Variants in DDC observed in about 807,000 individuals in gnomAD.
DDC encodes the protein dopa decarboxylase, also known as aromatic-L-amino-acid decarboxylase.
DDC carries 43 observed loss-of-function variants against 60.0 expected under a neutral mutation model. The ratio of observed to expected loss-of-function variants is 0.72; its 90% CI spans 0.56 to 0.92. The LOEUF (loss-of-function observed/expected upper bound fraction) is 0.92. DDC is among the 40% of genes least tolerant of loss of function. DDC has a pLI of 0.00. For synonymous variants in DDC, 232 were observed against 234.6 expected (o/e 0.99, Z 0.10); for missense variants, 573 against 620.2 (o/e 0.92, Z 0.81).
intron 6 of DDC, among the ~76,000 whole-genome samples, chr7:50,520,757 T>C (rs974826940): frequency 2.6e-5 from 4 of 151,954 alleles, no homozygotes; most frequent in Non-Finnish European, 5.9e-5. Context: ...CTACTAAAAA[T>C]ACAAAAATTA....
intron 9 of DDC, among the ~76,000 whole-genome samples, chr7:50,482,736 A>G (rs537411714): frequency 6.6e-6 from 1 of 152,174 alleles, no homozygotes; most frequent in Non-Finnish European, 1.5e-5. Flanking sequence ...TTTTCTCCAT[A>G]TAAATCTGAA....
At chr7:50,528,387 T>C (rs1328195692) in intron 5 of DDC, 107 bp from the exon 6 acceptor site, 6 of 1,416,130 alleles carry the variant, frequency 4.2e-6, no homozygotes, top group Non-Finnish European at 6.0e-6. Context: ...AAGGTCCCTC[T>C]TAACGGCACA....
Position 50,471,562 on chromosome 7 carries a change from C to A in DDC, c.1042-1391G>T, listed in dbSNP as rs145220507. ...CAGTGTGGTTCCCCCCAGTTGCACACCAGGCCCTGCCCGGTGTGTTGACAC... is the reference window on the plus strand; with the variant it reads ...CAGTGTGGTTCCCCCCAGTTGCACAACAGGCCCTGCCCGGTGTGTTGACAC... On this transcript the variant is annotated intron_variant, in intron 11 of 14. Transcript: ENST00000444124. Among the ~76,000 whole-genome samples the A allele has an allele frequency of 5.3e-5, 8 of 152,238 alleles. No individual in the cohort carries two copies. In the East Asian group the frequency reaches 1.4e-3, roughly 26 times the overall value.
chr7:50,483,049 A>T (rs1475133435), intron 9 of DDC, among the ~76,000 whole-genome samples: 3 of 151,982 alleles, frequency 2.0e-5, no homozygotes, highest in Non-Finnish European at 4.4e-5. Context: ...TCCAGTGTTG[A>T]ATAGAAGTGC....
At chr7:50,476,560 A>T in intron 11 of DDC, 64 bp downstream of exon 11, 1 of 1,340,492 alleles carries the variant, frequency 7.5e-7, no homozygotes, top group South Asian at 1.2e-5. Context: ...GATGTGTGAC[A>T]GCTGTGGCGT....
At chr7:50,532,349 A>G (rs578013815) in intron 4 of DDC, among the ~76,000 whole-genome samples, 22 of 152,360 alleles carry the variant, frequency 1.4e-4, no homozygotes, top group African/African-American at 4.6e-4. Flanking sequence ...ATTCCTACCC[A>G]AATGCTAAAG....
At chr7:50,476,524 G>T in intron 11 of DDC, 100 bp downstream of exon 11, 2 of 1,137,300 alleles carry the variant, frequency 1.8e-6, no homozygotes, top group Non-Finnish European at 2.7e-6. Flanking sequence ...CCACCAGTGC[G>T]TGCTGATCAT....
At chr7:50,492,807 G>A (rs1585177425) in intron 9 of DDC, 1 of 1,489,948 alleles carries the variant, frequency 6.7e-7, no homozygotes, top group East Asian at 2.5e-5. Flanking sequence ...TGAACCCCGA[G>A]CGCCGGGGAA....
chr7:50,551,526 C>T (rs1233039666), intron 1 of DDC, among the ~76,000 whole-genome samples: 1 of 152,178 alleles, frequency 6.6e-6, no homozygotes. Context: ...AGCCACCGCG[C>T]CCGGCCCCAT....
chr7:50,516,324 G>A (rs934999239), intron 6 of DDC, among the ~76,000 whole-genome samples: 22 of 152,158 alleles, frequency 1.4e-4, no homozygotes, highest in Admixed American at 1.4e-3. Flanking sequence ...GCACCTGAAT[G>A]AGCACTGGCT....
chr7:50,528,133 T>A lies in DDC; in HGVS notation c.714+4A>T, dbSNP rs200362242. The A allele has an allele frequency of 3.2e-5, 52 of 1,612,484 alleles. No individual in the cohort carries two copies. In the East Asian group the frequency reaches 1.1e-3, roughly 35 times the overall value. ...CCAGGAGCCACAAGTGCTGCCGAAC[T>A]TACAAAGAAAGGAATCAGGCCAGCC... On this transcript the variant is annotated splice_donor_region_variant and intron_variant, in intron 6 of 14. Coordinates refer to ENST00000444124, the MANE Select transcript of DDC (RefSeq NM_001082971.2).
chr7:50,529,355 G>T lies in DDC; in HGVS notation c.436-13C>A, dbSNP rs1331980272. 3.1e-6 allele frequency: 5 copies of T among 1,614,052 alleles called. No homozygotes were observed. Among genetic ancestry groups the T allele is most frequent in the Non-Finnish European group, 4.2e-6 (5 of 1,180,024 alleles). ...CACTGGCACTTCCCTAAATTCAAGA[G>T]AAGGTCCAAATGAAATCCCAAACAT... On this transcript the variant is annotated splice_polypyrimidine_tract_variant and intron_variant, in intron 4 of 14. Transcript: ENST00000444124.
At chr7:50,490,754 A>G (rs1458814089) in intron 9 of DDC, among the ~76,000 whole-genome samples, 1 of 152,200 alleles carries the variant, frequency 6.6e-6, no homozygotes, top group African/African-American at 2.4e-5. Context: ...TTCCAACAAA[A>G]CCAATTTAAA....
chr7:50,515,565 T>C (rs570898244), intron 6 of DDC, among the ~76,000 whole-genome samples: 3 of 152,122 alleles, frequency 2.0e-5, no homozygotes, highest in South Asian at 4.1e-4. Flanking sequence ...GCATGATGAA[T>C]GCAAGGGTAC....
rs528917225 is a variant in DDC at position 50,496,866 on chromosome 7, G to A, written c.877-1449C>T. Among the ~76,000 whole-genome samples the A allele has an allele frequency of 5.1e-4, 77 of 152,288 alleles. 2 individuals carry two copies. In the South Asian group the frequency reaches 0.012, roughly 23 times the overall value. Reference sequence around the variant, plus strand: ...CAGAAGCTTGAGGGACCTGGGGGGCGTCCTGGGAGGCATTTGGTTGGTGGA... The same window carrying A: ...CAGAAGCTTGAGGGACCTGGGGGGCATCCTGGGAGGCATTTGGTTGGTGGA... On this transcript the variant is annotated intron_variant, in intron 8 of 14. Coordinates refer to ENST00000444124, the MANE Select transcript of DDC (RefSeq NM_001082971.2).
chr7:50,555,307 T>C lies in DDC; in HGVS notation c.-29+9978A>G, dbSNP rs544239044. On this transcript the variant is annotated intron_variant, in intron 1 of 14. Transcript: ENST00000444124. Reference sequence around the variant, plus strand: ...GTCAGTGGGGGAGACAAGAGATCTGTTGGAAACGAGACCCAGGACAGGCTG... The same window carrying C: ...GTCAGTGGGGGAGACAAGAGATCTGCTGGAAACGAGACCCAGGACAGGCTG... Among the ~76,000 whole-genome samples, 6 of 152,276 alleles carry C rather than the reference T, an allele frequency of 3.9e-5. No individual in the cohort carries two copies. The East Asian group carries it at 9.6e-4, about 24-fold the overall frequency.
chr7:50,533,383 C>T (rs1238867412), intron 4 of DDC, among the ~76,000 whole-genome samples: 1 of 151,844 alleles, frequency 6.6e-6, no homozygotes, highest in Non-Finnish European at 1.5e-5. Context: ...TCAACATCCA[C>T]CTCCTGGGTT....
chr7:50,560,515 T>C (rs953114767), intron 1 of DDC, among the ~76,000 whole-genome samples: 21 of 152,130 alleles, frequency 1.4e-4, no homozygotes, highest in African/African-American at 5.1e-4. Context: ...ATGCTGTTAA[T>C]TAGCTCCTCT....
At chr7:50,535,101 T>C (rs1260570344) in intron 4 of DDC, among the ~76,000 whole-genome samples, 1 of 152,180 alleles carries the variant, frequency 6.6e-6, no homozygotes, top group African/African-American at 2.4e-5. Flanking sequence ...TAGAATGGTA[T>C]GGTTCACAGC....
Sources: allele counts gnomAD v4.1 joint callset (sites outside exome capture counted in the v4.1 genomes callset), GRCh38; gene constraint gnomAD v4.1.1; transcripts MANE v1.5; gene names NCBI Gene and HGNC (gene_info 2026-07-23, HGNC 2026-07-21).